Variants in TP63 observed in about 807,000 individuals in gnomAD.
TP63 encodes tumor protein 63.
Under a neutral mutation model 82.8 loss-of-function variants are expected in TP63, and 17 were observed. The observed-to-expected ratio is 0.21, with a 90% CI of 0.14 to 0.31. The LOEUF is 0.31. Ranked by LOEUF, TP63 falls within the 10% of genes least tolerant of loss-of-function variation. TP63 has a pLI of 1.00. For synonymous variants in TP63, 330 were observed against 321.7 expected, an observed-to-expected ratio of 1.03 and a Z score of -0.28; for missense variants, 648 against 895.3, an observed-to-expected ratio of 0.72 and a Z score of 3.52.
At chr3:189,780,464 G>T (rs1021343854) in intron 3 of TP63, among the ~76,000 whole-genome samples, 4 of 152,108 alleles carry the variant, frequency 2.6e-5, no homozygotes, top group Admixed American at 2.6e-4. Flanking sequence ...GTTGGATTTG[G>T]TTTTTCACTT....
At chr3:189,675,926 T>C (rs1021854803) in intron 1 of TP63, among the ~76,000 whole-genome samples, 4 of 121,618 alleles carry the variant, frequency 3.3e-5, no homozygotes, top group Non-Finnish European at 7.1e-5. Context: ...AGTCCTTTTT[T>C]TTCCAGTAGA....
chr3:189,860,128 TAAAAC>T (rs1716841782), intron 4 of TP63, among the ~76,000 whole-genome samples: 1 of 151,978 alleles, frequency 6.6e-6, no homozygotes. Context: ...GTATACCACA[TAAAAC>T]AAAACCCCCA....
At chr3:189,862,340 T>C (rs1717140831) in intron 4 of TP63, among the ~76,000 whole-genome samples, 1 of 152,130 alleles carries the variant, frequency 6.6e-6, no homozygotes, top group Admixed American at 6.6e-5. Flanking sequence ...GCTTAAAAAT[T>C]AGATTCCCAC....
intron 13 of TP63, among the ~76,000 whole-genome samples, chr3:189,891,674 G>C (rs764033408): frequency 9.2e-5 from 14 of 152,156 alleles, no homozygotes; most frequent in Non-Finnish European, 1.8e-4. Flanking sequence ...CAAGCTGGGC[G>C]AGAGGGGACT....
chr3:189,678,045 G>A (rs1715597911), intron 1 of TP63, among the ~76,000 whole-genome samples: 2 of 152,030 alleles, frequency 1.3e-5, no homozygotes, highest in Non-Finnish European at 2.9e-5. Context: ...CTGTTCTGCA[G>A]ATTGTCTGTT....
chr3:189,639,702 A>G (rs1711644625), intron 1 of TP63, among the ~76,000 whole-genome samples: 1 of 152,150 alleles, frequency 6.6e-6, no homozygotes, highest in South Asian at 2.1e-4. Context: ...TAAGACTGAG[A>G]AAGCATTTTG....
intron 4 of TP63, among the ~76,000 whole-genome samples, chr3:189,824,175 AG>A (rs1250744126): frequency 6.6e-6 from 1 of 152,022 alleles, no homozygotes; most frequent in African/African-American, 2.4e-5. Context: ...GTGGGAGCCC[AG>A]GGCCTTTTTG....
chr3:189,808,607 T>A (rs1301314181), intron 4 of TP63, 81 bp downstream of exon 4: 4 of 1,602,850 alleles, frequency 2.5e-6, no homozygotes, highest in African/African-American at 2.7e-5. Context: ...TTCTCCCCCT[T>A]CCCAGTTTAG....
rs1712940430 is a variant in TP63, at chr3:189,652,058, G to A, written c.62+20481G>A. 1.4e-5 allele frequency among the ~76,000 whole-genome samples: 2 copies of A among 146,786 alleles called. 1 individual carries two copies. Among genetic ancestry groups the A allele is most frequent in the Admixed American group, 1.3e-4 (2 of 14,934 alleles). ...CTCATGGAGAACCTCTGGCAGAGTG[G>A]AAGGGAAATGTGGGGTTGGAGCTCC... On this transcript the variant is annotated intron_variant, in intron 1 of 13. Coordinates refer to ENST00000264731, the MANE Select transcript of TP63 (RefSeq NM_003722.5).
chr3:189,690,573 T>C (rs1483707855), intron 1 of TP63, among the ~76,000 whole-genome samples: 1 of 152,198 alleles, frequency 6.6e-6, no homozygotes, highest in Admixed American at 6.5e-5. Flanking sequence ...GAACTTCCTA[T>C]AGACACATTT....
chr3:189,876,366 T>A (rs1305416182), intron 10 of TP63, among the ~76,000 whole-genome samples: 2 of 152,220 alleles, frequency 1.3e-5, no homozygotes, highest in Non-Finnish European at 2.9e-5. Context: ...GGGAATTTTT[T>A]ATTCATATTT....
chr3:189,738,262 C>G (rs1297186941), intron 2 of TP63, among the ~76,000 whole-genome samples: 1 of 152,134 alleles, frequency 6.6e-6, no homozygotes, highest in African/African-American at 2.4e-5. Context: ...ATTATTATTT[C>G]TTTATTAAAA....
intron 12 of TP63, among the ~76,000 whole-genome samples, chr3:189,890,446 C>A (rs1720900214): frequency 6.6e-6 from 1 of 152,046 alleles, no homozygotes; most frequent in African/African-American, 2.4e-5. Context: ...TAGAGCCAAG[C>A]AGCAAGAAAG....
intron 4 of TP63, among the ~76,000 whole-genome samples, chr3:189,821,303 A>C (rs1184629971): frequency 6.6e-6 from 1 of 152,240 alleles, no homozygotes; most frequent in Non-Finnish European, 1.5e-5. Flanking sequence ...TTTCCCTTGC[A>C]CTAACTCAGA....
the TP63 span, among the ~76,000 whole-genome samples, chr3:189,616,700 G>A: frequency 6.6e-6 from 1 of 152,166 alleles, no homozygotes; most frequent in Non-Finnish European, 1.5e-5. Flanking sequence ...TGACTTAGAA[G>A]AACTGAAATA....
chr3:189,697,232 A>AG (rs1553814976), intron 1 of TP63, among the ~76,000 whole-genome samples: 1 of 22,406 alleles, frequency 4.5e-5, no homozygotes, highest in Admixed American at 6.1e-4. Flanking sequence ...GTCTAGGTTC[A>AG]GTTTTTTTTT....
chr3:189,769,467 T>C (rs1183978806), intron 3 of TP63, among the ~76,000 whole-genome samples: 8 of 152,224 alleles, frequency 5.3e-5, no homozygotes, highest in Non-Finnish European at 1.2e-4. Flanking sequence ...TACCATGAGT[T>C]TGGATTAGAA....
At chr3:189,693,915 T>G (rs1292013110) in intron 1 of TP63, among the ~76,000 whole-genome samples, 1 of 152,186 alleles carries the variant, frequency 6.6e-6, no homozygotes, top group Non-Finnish European at 1.5e-5. Context: ...TTTAAAAAGT[T>G]TCTGACACCT....
chr3:189,769,542 G>A (rs1723184096), intron 3 of TP63, among the ~76,000 whole-genome samples: 1 of 151,970 alleles, frequency 6.6e-6, no homozygotes, highest in African/African-American at 2.4e-5. Context: ...CACTTAATTG[G>A]TATTCCTTTA....
Sources: gnomAD v4.1 joint callset for allele counts (sites outside exome capture counted in the v4.1 genomes callset) on GRCh38, gnomAD v4.1.1 for gene constraint, MANE v1.5 for transcripts, NCBI Gene and HGNC (gene_info 2026-07-23, HGNC 2026-07-21) for gene names.